PPP1R3A: variants seen among roughly 807,000 people sequenced by gnomAD.
PPP1R3A encodes RG1.
A neutral mutation model predicts 41.7 loss-of-function variants in PPP1R3A; 29 were observed. The observed-to-expected ratio is 0.70, with a 90% CI of 0.52 to 0.95. The LOEUF is 0.95. PPP1R3A is among the 40% of genes least tolerant of loss of function. The pLI, the probability that PPP1R3A is intolerant of heterozygous loss-of-function variation, is 0.00. For missense variants in PPP1R3A, 1,352 were observed against 1,292.4 expected, an observed-to-expected ratio of 1.05 and a Z score of -0.71; for synonymous variants, 485 against 453.4, an observed-to-expected ratio of 1.07 and a Z score of -0.89.
intron 1 of PPP1R3A, among the ~76,000 whole-genome samples, chr7:113,897,580 A>G (rs1796997955): frequency 7.1e-6 from 1 of 140,034 alleles, no homozygotes; most frequent in Admixed American, 7.2e-5. Flanking sequence ...AAAAAAAAAA[A>G]GTTATGCAAA....
chr7:113,879,557 C>T lies in PPP1R3A; in HGVS notation c.1535G>A (p.Gly512Asp), dbSNP rs750527285. The T allele has an allele frequency of 5.6e-6, 9 of 1,612,906 alleles. No homozygotes were observed. The highest frequency in any genetic ancestry group is 4.4e-5 in the South Asian group (4 of 91,038). The stretch of plus-strand genomic sequence containing the variant: ...TTGTTCTTCATCATCCTTACCATTG[C>T]CATAATAATCTTCCTTAGAAGATCC... ...EEGSSKEDYY[G>D]NGKDDEEQRI... is the part of the protein sequence containing the mutation. The change falls in exon 4 of 4, where the codon GGC becomes GAC. Residue 512 changes from glycine (G) to aspartate (D), a missense_variant. Gly to Asp is a moderately conservative substitution (Grantham distance 94, BLOSUM62 -1). Coordinates refer to ENST00000284601, the MANE Select transcript of PPP1R3A (RefSeq NM_002711.4).
chr7:113,910,728 G>C (rs941818630), intron 1 of PPP1R3A, among the ~76,000 whole-genome samples: 5 of 152,016 alleles, frequency 3.3e-5, no homozygotes, highest in Non-Finnish European at 7.4e-5. Context: ...GTAATTTTTA[G>C]AAATGAAAAT....
In PPP1R3A at chr7:113,879,959, G is replaced by C; in HGVS notation, c.1133C>G (p.Ser378Ter). 6.2e-7 allele frequency: 1 copy of C among 1,613,518 alleles called. No homozygotes were observed. The highest frequency in any genetic ancestry group is 8.5e-7 in the Non-Finnish European group (1 of 1,179,652). Residue 378 changes from serine (S) to a stop codon, truncating the protein, a stop_gained, in exon 4 of 4, where the codon TCA (serine) becomes TGA (stop). Transcript: ENST00000284601. LOFTEE classifies it low-confidence loss of function (END_TRUNC). ...TCCCTTTACGGAGCTTTCTGCTGATGAACTTGGAGACAGAGACCTTTGGAA... is the reference window on the plus strand; with the variant it reads ...TCCCTTTACGGAGCTTTCTGCTGATCAACTTGGAGACAGAGACCTTTGGAA... ...DLFQRSLSPS[S>*]SAESSVKGDF...
intron 1 of PPP1R3A, among the ~76,000 whole-genome samples, chr7:113,900,734 T>C (rs1797048195): frequency 1.3e-5 from 2 of 148,376 alleles, no homozygotes; most frequent in Non-Finnish European, 3.0e-5. Flanking sequence ...TATATATAAG[T>C]ATATACTTGT....
At chr7:113,895,488 C>A (rs1439719117) in intron 1 of PPP1R3A, among the ~76,000 whole-genome samples, 2 of 151,794 alleles carry the variant, frequency 1.3e-5, no homozygotes, top group African/African-American at 4.8e-5. Flanking sequence ...TTTTTAGATC[C>A]TGGGCACATT....
At chr7:113,914,097 A>G (rs1215916309) in intron 1 of PPP1R3A, among the ~76,000 whole-genome samples, 1 of 152,204 alleles carries the variant, frequency 6.6e-6, no homozygotes. Flanking sequence ...GAGTCAGGAC[A>G]TTAGCTGAAC....
intron 3 of PPP1R3A, among the ~76,000 whole-genome samples, chr7:113,880,738 C>T (rs992816325): frequency 2.0e-5 from 3 of 149,396 alleles, no homozygotes; most frequent in Non-Finnish European, 3.0e-5. Flanking sequence ...CTCCTCATAA[C>T]TGACATTTGC....
chr7:113,886,884 C>T (rs1447429438), intron 1 of PPP1R3A, among the ~76,000 whole-genome samples: 1 of 152,104 alleles, frequency 6.6e-6, no homozygotes, highest in African/African-American at 2.4e-5. Flanking sequence ...AGAAAGTATA[C>T]TTTTGAATAT....
At chr7:113,902,132 G>C (rs1266585133) in intron 1 of PPP1R3A, among the ~76,000 whole-genome samples, 1 of 151,622 alleles carries the variant, frequency 6.6e-6, no homozygotes, top group Non-Finnish European at 1.5e-5. Context: ...CTCTCTTTGT[G>C]TGTGTGTGTT....
chr7:113,885,900 T>C (rs1056211556), intron 1 of PPP1R3A, among the ~76,000 whole-genome samples: 1 of 148,676 alleles, frequency 6.7e-6, no homozygotes, highest in Non-Finnish European at 1.5e-5. Flanking sequence ...AAATATTATA[T>C]ATAGGTATAT....
At chr7:113,882,436 T>C (rs1186805033) in intron 1 of PPP1R3A, 116 bp from the exon 2 acceptor site, 8 of 642,790 alleles carry the variant, frequency 1.2e-5, no homozygotes, top group South Asian at 1.7e-5. Context: ...ATAGCCTTTC[T>C]TATTTTCCTA....
chr7:113,918,420 C>A lies in PPP1R3A; in HGVS notation c.577G>T (p.Val193Leu). 1 of 1,613,312 alleles carries A rather than the reference C, an allele frequency of 6.2e-7. No individual in the cohort carries two copies. The highest frequency in any genetic ancestry group is 8.5e-7 in the Non-Finnish European group (1 of 1,179,630). Reference protein sequence around the residue: ...GETDQFSFKIVLVPPYQKDGS... With the variant: ...GETDQFSFKILLVPPYQKDGS... ...TCTTTTTGATAAGGAGGAACCAATA[C>A]AATCTTAAAGGAGAACTGGTCAGTT... Residue 193 changes from valine (V) to leucine (L), a missense_variant, in exon 1 of 4, where the codon GTA becomes TTA. Coordinates refer to ENST00000284601, the MANE Select transcript of PPP1R3A (RefSeq NM_002711.4).
chr7:113,909,335 G>T (rs1244677066), intron 1 of PPP1R3A, among the ~76,000 whole-genome samples: 1 of 151,964 alleles, frequency 6.6e-6, no homozygotes, highest in African/African-American at 2.4e-5. Flanking sequence ...TAAGATAGAA[G>T]AATAAATGAA....
At position 113,880,080 on chromosome 7, in the gene PPP1R3A, C is replaced by A. The variant is rs1318452609; in HGVS notation, c.1012G>T (p.Glu338Ter). 8.7e-6 allele frequency: 14 copies of A among 1,608,620 alleles called. No homozygotes were observed. The highest frequency in any genetic ancestry group is 1.2e-5 in the Non-Finnish European group (14 of 1,175,550). Residue 338 changes from glutamate (E) to a stop codon, truncating the protein, a stop_gained, in exon 4 of 4, where the codon GAA becomes TAA. Transcript: ENST00000284601. LOFTEE classifies it low-confidence loss of function (END_TRUNC). ...IRTRSTASRDERNTFSTDPVN... is the reference protein window; with the variant it reads ...IRTRSTASRD ...GGATCTGTTGAAAATGTATTCCTTTCATCTCTGGAAGCAGTACTTCTGGTT... is the reference window on the plus strand; with the variant it reads ...GGATCTGTTGAAAATGTATTCCTTTAATCTCTGGAAGCAGTACTTCTGGTT...
At chr7:113,891,235 T>G (rs928616707) in intron 1 of PPP1R3A, among the ~76,000 whole-genome samples, 4 of 151,960 alleles carry the variant, frequency 2.6e-5, no homozygotes, top group Non-Finnish European at 5.9e-5. Context: ...TCTAAAATCT[T>G]GCCTACTCCT....
chr7:113,915,716 CATTT>C (rs1797331673), intron 1 of PPP1R3A, among the ~76,000 whole-genome samples: 1 of 151,310 alleles, frequency 6.6e-6, no homozygotes, highest in African/African-American at 2.4e-5. Flanking sequence ...AGAAATGACC[CATTT>C]AGATTCTGTA....
chr7:113,896,975 A>G (rs946183391), intron 1 of PPP1R3A, among the ~76,000 whole-genome samples: 20 of 151,918 alleles, frequency 1.3e-4, no homozygotes, highest in African/African-American at 4.3e-4. Context: ...GAATCCATGG[A>G]AAGGTATTCA....
chr7:113,912,647 A>C (rs1474496198), intron 1 of PPP1R3A, among the ~76,000 whole-genome samples: 1 of 152,126 alleles, frequency 6.6e-6, no homozygotes, highest in African/African-American at 2.4e-5. Context: ...AAGTGGAGGA[A>C]GGTGAAAAAC....
Position 113,918,586 on chromosome 7 carries a change from A to C in PPP1R3A, c.411T>G (p.Leu137=). ...TAATACCCTTGATACTTGTAGACCC[A>C]AGAAGAGACTCAGTTGACTCCAGTA... is the stretch of plus-strand genomic sequence containing the variant. The part of the protein sequence containing the change: ...KAILESTESL[L]GSTSIKGIIR... The change falls in exon 1 of 4, where the codon CTT becomes CTG. Residue 137 remains leucine, a synonymous_variant. Coordinates refer to ENST00000284601, the MANE Select transcript of PPP1R3A (RefSeq NM_002711.4). The C allele has an allele frequency of 6.2e-7, 1 of 1,613,538 alleles. No individual in the cohort carries two copies. Among genetic ancestry groups the C allele is most frequent in the Non-Finnish European group, 8.5e-7 (1 of 1,179,670 alleles).
Sources: gnomAD v4.1 joint callset for allele counts (sites outside exome capture counted in the v4.1 genomes callset) on GRCh38, gnomAD v4.1.1 for gene constraint, MANE v1.5 for transcripts, NCBI Gene and HGNC (gene_info 2026-07-23, HGNC 2026-07-21) for gene names.